Variants in TMEM168 observed in about 807,000 individuals in gnomAD.
TMEM168 encodes the protein transmembrane protein 168.
In TMEM168, 40 loss-of-function variants were observed where a neutral mutation model predicts 53.2. The observed-to-expected ratio is 0.75, with a 90% CI of 0.58 to 0.98. The LOEUF is 0.98. Among genes scored for constraint, TMEM168 ranks in the 50% least tolerant of loss-of-function variants. TMEM168 has a pLI of 0.00. For missense variants in TMEM168, 771 were observed against 828.8 expected, an observed-to-expected ratio of 0.93 and a Z score of 0.86; for synonymous variants, 282 against 293.0, an observed-to-expected ratio of 0.96 and a Z score of 0.38.
chr7:112,776,757 T>C (rs930580147), intron 2 of TMEM168, among the ~76,000 whole-genome samples: 1 of 130,550 alleles, frequency 7.7e-6, no homozygotes, highest in African/African-American at 3.5e-5. Flanking sequence ...CATGTGTATG[T>C]TTTTTTTTTT....
intron 2 of TMEM168, 38 bp from the exon 3 acceptor site, chr7:112,775,356 A>G: frequency 1.3e-6 from 2 of 1,561,086 alleles, no homozygotes; most frequent in South Asian, 2.3e-5. Flanking sequence ...TAGTACATGT[A>G]CATATGTGTA....
chr7:112,785,061 C>G (rs1205536187), intron 1 of TMEM168, 108 bp from the exon 2 acceptor site: 1 of 337,608 alleles, frequency 3.0e-6, no homozygotes, highest in Non-Finnish European at 5.3e-6. Flanking sequence ...AAACTGAAAT[C>G]CAGTTTACAA....
Position 112,764,389 on chromosome 7 carries a change from A to G in TMEM168, c.*2808T>C, listed in dbSNP as rs1792721830. 6.6e-6 allele frequency: 1 copy of G among 152,112 alleles called. No individual in the cohort carries two copies. The highest frequency in any genetic ancestry group is 1.5e-5 in the Non-Finnish European group (1 of 68,014). 9.4% of individuals were successfully genotyped at this position (152,112 alleles called of 1,614,324 possible). The stretch of plus-strand genomic sequence containing the variant: ...CAACTCTTTCTTAAACATGACAGCC[A>G]TAGACAAATTAGTCTCATTGTCAGA... On this transcript the variant is annotated 3_prime_UTR_variant, in exon 5 of 5. Transcript: ENST00000312814.
At position 112,775,320 on chromosome 7, in the gene TMEM168, T is replaced by TA. The variant is rs1224832551; in HGVS notation, c.1129-3dup. 1 of 1,611,884 alleles carries TA rather than the reference T, an allele frequency of 6.2e-7. No individual in the cohort carries two copies. The highest frequency in any genetic ancestry group is 8.5e-7 in the Non-Finnish European group (1 of 1,178,988). On this transcript the variant is annotated splice_polypyrimidine_tract_variant and splice_region_variant and intron_variant, in intron 2 of 4. Transcript: ENST00000312814. ...GCTCAAGAAAATTCCATTTGTTGGC[T>TA]AAAAGAAATCCAAAACATGTTTACA...
intron 4 of TMEM168, among the ~76,000 whole-genome samples, chr7:112,771,008 T>C (rs1792918066): frequency 6.6e-6 from 1 of 152,186 alleles, no homozygotes; most frequent in Non-Finnish European, 1.5e-5. Context: ...GACTAAAAGC[T>C]TTCTCTTGTG....
Position 112,769,765 on chromosome 7 carries a change from C to G in TMEM168, c.1547-2021G>C, listed in dbSNP as rs146975213. On this transcript the variant is annotated intron_variant, in intron 4 of 4. Coordinates refer to ENST00000312814, the MANE Select transcript of TMEM168 (RefSeq NM_022484.6). ...TGTAATAAACTGCTTTATAAATTAT[C>G]TACATTTTTTCCATTTATTTCTGTC... Among the ~76,000 whole-genome samples, 7 of 152,178 alleles carry G rather than the reference C, an allele frequency of 4.6e-5. No individual in the cohort carries two copies. In the East Asian group the frequency reaches 1.2e-3, roughly 25 times the overall value.
At position 112,784,726 on chromosome 7, in the gene TMEM168, G is replaced by T. The variant is rs777473488; in HGVS notation, c.100C>A (p.Arg34=). ...ATTCTGGCTAAATAGCCAAGATACC[G>T]CACTGAAGAATGCATGTTCACTTCT... ...NREVNMHSSV[R]YLGYLARINL... is the part of the protein sequence containing the mutation. The change falls in exon 2 of 5, where the codon CGG becomes AGG. Residue 34 remains arginine, a synonymous_variant. Transcript: ENST00000312814. 1.2e-6 allele frequency: 2 copies of T among 1,613,718 alleles called. No homozygotes were observed. The highest frequency in any genetic ancestry group is 3.3e-4 in the Middle Eastern group (2 of 6,080).
Position 112,783,946 on chromosome 7 carries a change from C to A in TMEM168, c.880G>T (p.Val294Leu), listed in dbSNP as rs758846161. The A allele has an allele frequency of 1.2e-6, 2 of 1,607,286 alleles. No individual in the cohort carries two copies. The highest frequency in any genetic ancestry group is 8.5e-7 in the Non-Finnish European group (1 of 1,178,416). The change falls in exon 2 of 5, where the codon GTA becomes TTA. Residue 294 changes from valine to leucine, a missense_variant. Physicochemically the swap from Val to Leu is conservative, Grantham distance 32. Coordinates refer to ENST00000312814, the MANE Select transcript of TMEM168 (RefSeq NM_022484.6). The part of the protein sequence containing the change: ...KLRDTHLWYF[V>L]IPGFSIFGIF... ...CCAAAAATGGAAAAGCCAGGTATTA[C>A]AAAATACCAGAGGTGAGTGTCTCTA...
At chr7:112,788,563 G>C (rs1181694580) in intron 1 of TMEM168, 1 of 152,158 alleles carries the variant, frequency 6.6e-6, no homozygotes, top group Non-Finnish European at 1.5e-5. Flanking sequence ...GAGAATAACA[G>C]AAAAACATTA....
intron 4 of TMEM168, among the ~76,000 whole-genome samples, chr7:112,771,689 CT>C (rs1792933801): frequency 1.3e-5 from 2 of 152,038 alleles, no homozygotes; most frequent in Non-Finnish European, 2.9e-5. Flanking sequence ...TCATCTCTAC[CT>C]TAACCTTTTT....
chr7:112,769,626 A>AG (rs1792879938), intron 4 of TMEM168, among the ~76,000 whole-genome samples: 1 of 152,186 alleles, frequency 6.6e-6, no homozygotes, highest in African/African-American at 2.4e-5. Flanking sequence ...TCCTATGAAT[A>AG]GGTTCTATGC....
chr7:112,774,754 T>G (rs1016920569), intron 3 of TMEM168, among the ~76,000 whole-genome samples: 2 of 152,012 alleles, frequency 1.3e-5, no homozygotes, highest in African/African-American at 4.8e-5. Flanking sequence ...CTAATTTTTG[T>G]ATTTTCAGTA....
At chr7:112,787,022 T>G (rs1241581527) in intron 1 of TMEM168, among the ~76,000 whole-genome samples, 1 of 152,252 alleles carries the variant, frequency 6.6e-6, no homozygotes, top group Non-Finnish European at 1.5e-5. Flanking sequence ...AGCCATATTG[T>G]GCATCTTTCC....
In TMEM168 at chr7:112,784,667, G is replaced by T; in HGVS notation, c.159C>A (p.Tyr53Ter). ...AATTTGCTGTTTTTTCCCATCTTAC[G>T]TATAGACCTAAGCATATAGCAACCA... ...NLLVAICLGL[Y>*]VRWEKTANSL... Residue 53 changes from tyrosine to a stop codon, truncating the protein, a stop_gained, in exon 2 of 5, where the codon TAC becomes TAA. Coordinates refer to ENST00000312814, the MANE Select transcript of TMEM168 (RefSeq NM_022484.6). LOFTEE classifies it high-confidence loss of function. The T allele has an allele frequency of 1.2e-6, 2 of 1,613,612 alleles. No individual in the cohort carries two copies. The highest frequency in any genetic ancestry group is 1.1e-5 in the South Asian group (1 of 90,852).
intron 2 of TMEM168, among the ~76,000 whole-genome samples, chr7:112,776,686 C>T (rs1370828029): frequency 6.6e-6 from 1 of 150,814 alleles, no homozygotes; most frequent in South Asian, 2.1e-4. Flanking sequence ...ATCATCTATA[C>T]GCACAGCTAC....
intron 2 of TMEM168, among the ~76,000 whole-genome samples, chr7:112,777,173 T>A (rs1053275478): frequency 2.0e-5 from 3 of 152,194 alleles, no homozygotes; most frequent in African/African-American, 7.2e-5. Flanking sequence ...ATAGTCACTT[T>A]ATGCCTTGTT....
intron 3 of TMEM168, among the ~76,000 whole-genome samples, chr7:112,774,841 A>T (rs940349348): frequency 6.6e-6 from 1 of 152,046 alleles, no homozygotes; most frequent in Non-Finnish European, 1.5e-5. Flanking sequence ...TCGGCCTCCT[A>T]AAGTGCTGGG....
chr7:112,775,600 G>GA lies in TMEM168; in HGVS notation c.1129-283dup, dbSNP rs556880288. On this transcript the variant is annotated intron_variant, in intron 2 of 4. Transcript: ENST00000312814. ...GTCAAATAACATCCTATCCAGACGA[G>GA]AAAAAAAAAAAAAACAAAACAAACC... 8.4e-3 allele frequency among the ~76,000 whole-genome samples: 931 copies of GA among 110,410 alleles called. 3 individuals are homozygous for GA. Among genetic ancestry groups the GA allele is most frequent in the Middle Eastern group, 0.023 (5 of 216 alleles). The allele number at this position is 110,410 out of a possible 152,430, so 72.4% of individuals were successfully genotyped here.
intron 3 of TMEM168, among the ~76,000 whole-genome samples, chr7:112,774,488 G>A (rs1424658195): frequency 1.3e-5 from 2 of 150,414 alleles, no homozygotes; most frequent in Non-Finnish European, 3.0e-5. Context: ...GTGTACCAAA[G>A]GTAACAAAGA....
Sources: gnomAD v4.1 joint callset for allele counts (sites outside exome capture counted in the v4.1 genomes callset) on GRCh38, gnomAD v4.1.1 for gene constraint, MANE v1.5 for transcripts, NCBI Gene and HGNC (gene_info 2026-07-23, HGNC 2026-07-21) for gene names.